Variants in ECE1 observed in about 807,000 individuals in gnomAD.
ECE1 encodes the protein endothelin-converting enzyme 1.
In ECE1, 35 loss-of-function variants were observed where a neutral mutation model predicts 98.6. The observed-to-expected ratio is 0.35, with a 90% CI of 0.27 to 0.47. The LOEUF (loss-of-function observed/expected upper bound fraction) is 0.47. Among genes scored for constraint, ECE1 ranks in the 20% least tolerant of loss-of-function variants. The pLI, the probability that ECE1 is intolerant of heterozygous loss-of-function variation, is 1.00. For synonymous variants in ECE1, 394 were observed against 407.1 expected, an observed-to-expected ratio of 0.97 and a Z score of 0.39; for missense variants, 814 against 1,025.3, an observed-to-expected ratio of 0.79 and a Z score of 2.81.
chr1:21,221,149 T>C (rs2098166888), intron 18 of ECE1, among the ~76,000 whole-genome samples: 1 of 152,166 alleles, frequency 6.6e-6, no homozygotes, highest in Admixed American at 6.5e-5. Context: ...GGCTACCAGA[T>C]GAATGCCGAC....
At chr1:21,337,464 C>T (rs1002431419) in intron 1 of ECE1, among the ~76,000 whole-genome samples, 1 of 152,190 alleles carries the variant, frequency 6.6e-6, no homozygotes, top group Non-Finnish European at 1.5e-5. Context: ...ACACTTTGGT[C>T]CAGGTAGTAT....
At chr1:21,275,402 C>G (rs2098245355) in intron 3 of ECE1, among the ~76,000 whole-genome samples, 1 of 152,144 alleles carries the variant, frequency 6.6e-6, no homozygotes, top group Admixed American at 6.5e-5. Context: ...CGAGACCAGC[C>G]TGGCCAACAT....
intron 4 of ECE1, among the ~76,000 whole-genome samples, chr1:21,261,717 T>C (rs1212278651): frequency 2.6e-5 from 4 of 152,192 alleles, no homozygotes; most frequent in Non-Finnish European, 5.9e-5. Flanking sequence ...GACAGTGCTA[T>C]GAACAACGCA....
chr1:21,260,231 A>T lies in ECE1; in HGVS notation c.615+40T>A. ...GGAAGCCAGGGGGCGGGCAGGTGGC[A>T]TGGGCCGGGGCTTGGGGAGGGAGAG... On this transcript the variant is annotated intron_variant, in intron 5 of 18. Transcript: ENST00000374893. This position sits in a 1 kb window ranked among gnomAD's most constrained non-coding sequence, Gnocchi z 4.3. The T allele has an allele frequency of 1.2e-6, 2 of 1,612,056 alleles. No individual in the cohort carries two copies. Among genetic ancestry groups the T allele is most frequent in the Non-Finnish European group, 1.7e-6 (2 of 1,178,784 alleles).
intron 8 of ECE1, among the ~76,000 whole-genome samples, chr1:21,253,087 C>T (rs541081552): frequency 1.3e-5 from 2 of 151,750 alleles, no homozygotes; most frequent in East Asian, 1.9e-4. Context: ...GACGGAGTCT[C>T]GCTCTGTCAC....
intron 17 of ECE1, among the ~76,000 whole-genome samples, chr1:21,224,036 C>A (rs368293864): frequency 6.6e-6 from 1 of 152,116 alleles, no homozygotes; most frequent in Non-Finnish European, 1.5e-5. Flanking sequence ...GTGGTCTGGT[C>A]CCCGCATTCC....
At chr1:21,310,047 G>C (rs748780134) in intron 1 of ECE1, among the ~76,000 whole-genome samples, 7 of 151,980 alleles carry the variant, frequency 4.6e-5, no homozygotes, top group Non-Finnish European at 8.8e-5. Context: ...CACCCGCCTC[G>C]GCCTCCCAAA....
At chr1:21,280,223 C>T (rs987637519) in intron 2 of ECE1, among the ~76,000 whole-genome samples, 1 of 152,160 alleles carries the variant, frequency 6.6e-6, no homozygotes, top group Non-Finnish European at 1.5e-5. Flanking sequence ...GAGATGCTTC[C>T]TGCAAAACCC....
upstream of ECE1, chr1:21,290,521 C>G: frequency 8.3e-7 from 1 of 1,203,634 alleles, no homozygotes; most frequent in Non-Finnish European, 1.0e-6. The surrounding 1 kb of genome is among the most constrained non-coding windows in gnomAD (Gnocchi z 7.3). Flanking sequence ...TTCGCCGGCG[C>G]CCGGTTCCCA....
chr1:21,296,779 G>C (rs979504036), intron 1 of ECE1, among the ~76,000 whole-genome samples: 1 of 152,160 alleles, frequency 6.6e-6, no homozygotes, highest in African/African-American at 2.4e-5. Context: ...CTCCTACCCG[G>C]GGCCTGGCTC....
chr1:21,221,665 C>A (rs545326715), intron 18 of ECE1, 82 bp downstream of exon 18: 4 of 1,437,232 alleles, frequency 2.8e-6, no homozygotes, highest in Non-Finnish European at 3.9e-6. Context: ...CTGTGGGGAA[C>A]TTGCCTTTCG....
At chr1:21,324,118 G>A (rs539297842) in intron 1 of ECE1, among the ~76,000 whole-genome samples, 19 of 152,106 alleles carry the variant, frequency 1.2e-4, no homozygotes, top group African/African-American at 2.4e-4. Flanking sequence ...CACTTCACCC[G>A]GCCTGTTTTG....
chr1:21,317,261 C>T (rs1638849894), intron 1 of ECE1, among the ~76,000 whole-genome samples: 1 of 152,184 alleles, frequency 6.6e-6, no homozygotes, highest in South Asian at 2.1e-4. Flanking sequence ...CTAGTCTTCT[C>T]TGTGAAGTGG....
rs372744576 is a variant in ECE1, at chr1:21,267,993, GT to G, written c.493+4705del. On this transcript the variant is annotated intron_variant, in intron 4 of 18. Transcript: ENST00000374893. ...CTAGTTTTTTCTTTATGGAATCTGT[GT>G]TGCTTGAATTGTCACAATGAGCACG... Among the ~76,000 whole-genome samples, 15 of 152,332 alleles carry G rather than the reference GT, an allele frequency of 9.8e-5. 1 individual carries two copies. Among genetic ancestry groups the G allele is most frequent in the African/African-American group, 3.1e-4 (13 of 41,570 alleles).
upstream of ECE1, chr1:21,290,496 G>A: frequency 8.2e-7 from 1 of 1,217,018 alleles, no homozygotes; most frequent in African/African-American, 1.6e-5. This position sits in a 1 kb window ranked among gnomAD's most constrained non-coding sequence, Gnocchi z 7.3. Context: ...ACCTTCGCGG[G>A]CGGGGCCTGA....
At chr1:21,309,104 T>C (rs967712213) in intron 1 of ECE1, among the ~76,000 whole-genome samples, 2 of 152,170 alleles carry the variant, frequency 1.3e-5, no homozygotes, top group African/African-American at 2.4e-5. Context: ...GGGCCTTCCC[T>C]CTCTCCTTTC....
At chr1:21,249,479 T>C (rs1205409724) in intron 8 of ECE1, among the ~76,000 whole-genome samples, 1 of 151,968 alleles carries the variant, frequency 6.6e-6, no homozygotes, top group African/African-American at 2.4e-5. Context: ...GCAGATCGCT[T>C]GAGCCCAGGA....
At chr1:21,301,682 G>T (rs1237974038) in intron 1 of ECE1, among the ~76,000 whole-genome samples, 1 of 151,532 alleles carries the variant, frequency 6.6e-6, no homozygotes, top group East Asian at 1.9e-4. Context: ...GCCAGGTATG[G>T]TGGCGTGGTG....
At chr1:21,279,592 A>T in intron 2 of ECE1, 1 of 1,436,116 alleles carries the variant, frequency 7.0e-7, no homozygotes, top group East Asian at 2.5e-5. Context: ...GTGTCACTCG[A>T]TATGAGTGGA....
Sources: allele counts gnomAD v4.1 joint callset (sites outside exome capture counted in the v4.1 genomes callset), GRCh38; gene constraint gnomAD v4.1.1; non-coding constraint Gnocchi (gnomAD v3.1); transcripts MANE v1.5; gene names NCBI Gene and HGNC (gene_info 2026-07-23, HGNC 2026-07-21).